INVS: variants seen among roughly 807,000 people sequenced by gnomAD.
The protein encoded by INVS is inversin.
Under a neutral mutation model 108.8 loss-of-function variants are expected in INVS, and 86 were observed. The observed-to-expected ratio is 0.79, with a 90% CI of 0.66 to 0.95. The LOEUF (loss-of-function observed/expected upper bound fraction) is 0.95, where lower values mean the gene tolerates loss of function less well. Ranked by LOEUF, INVS falls within the 40% of genes least tolerant of loss-of-function variation. The pLI, the probability that INVS is intolerant of heterozygous loss-of-function variation, is 0.00. For missense variants in INVS, 1,169 were observed against 1,297.4 expected (o/e 0.90, Z 1.52); for synonymous variants, 455 against 473.5 (o/e 0.96, Z 0.51).
rs376364951 is a variant in INVS at position 100,158,874 on chromosome 9, A to G, written c.273+32325A>G. On this transcript the variant is annotated intron_variant, in intron 3 of 16. Transcript: ENST00000262457. ...GAGGTAATGAGTGAATTCTCGCTCTATTAGTTCATGTGATAGCTGGTTGTT... is the reference window on the plus strand; with the variant it reads ...GAGGTAATGAGTGAATTCTCGCTCTGTTAGTTCATGTGATAGCTGGTTGTT... 1.4e-4 allele frequency among the ~76,000 whole-genome samples: 22 copies of G among 152,238 alleles called. No homozygotes were observed. The East Asian group carries it at 1.5e-3, about 11-fold the overall frequency.
intron 2 of INVS, among the ~76,000 whole-genome samples, chr9:100,108,255 A>G (rs1175296682): frequency 2.0e-5 from 3 of 152,228 alleles, no homozygotes; most frequent in Non-Finnish European, 4.4e-5. Flanking sequence ...CTTAAAAACC[A>G]AAAAGCAATC....
At chr9:100,160,337 G>A (rs1829130504) in intron 3 of INVS, among the ~76,000 whole-genome samples, 1 of 152,316 alleles carries the variant, frequency 6.6e-6, no homozygotes, top group South Asian at 2.1e-4. Context: ...CTATGAGGTA[G>A]CCCTCAGGGT....
At chr9:100,130,620 C>G (rs1241070187) in intron 3 of INVS, 1 of 152,120 alleles carries the variant, frequency 6.6e-6, no homozygotes, top group Non-Finnish European at 1.5e-5. Flanking sequence ...GTTTAGTGAA[C>G]CTTCTGATAT....
chr9:100,252,539 G>A, intron 9 of INVS, 101 bp downstream of exon 9: 2 of 1,099,392 alleles, frequency 1.8e-6, no homozygotes, highest in South Asian at 1.3e-5. Flanking sequence ...AGCTGCACAA[G>A]TACAAGGATG....
intron 3 of INVS, among the ~76,000 whole-genome samples, chr9:100,174,056 C>G (rs1829631300): frequency 6.6e-6 from 1 of 152,204 alleles, no homozygotes; most frequent in Non-Finnish European, 1.5e-5. Context: ...CTAAGATATT[C>G]TCAAATATTG....
chr9:100,199,102 T>A (rs1391462556), intron 3 of INVS, among the ~76,000 whole-genome samples: 1 of 152,196 alleles, frequency 6.6e-6, no homozygotes, highest in African/African-American at 2.4e-5. Flanking sequence ...AGGCTTTTTA[T>A]CTTTATAATC....
intron 3 of INVS, among the ~76,000 whole-genome samples, chr9:100,181,058 G>A (rs181205595): frequency 1.3e-5 from 2 of 152,128 alleles, no homozygotes; most frequent in East Asian, 3.9e-4. Flanking sequence ...TGCAGAAAAG[G>A]CCTTCAATAA....
intron 3 of INVS, among the ~76,000 whole-genome samples, chr9:100,161,490 G>A (rs997762490): frequency 6.6e-6 from 1 of 151,758 alleles, no homozygotes; most frequent in Non-Finnish European, 1.5e-5. Flanking sequence ...CGTTCCTTAG[G>A]AGAACTCACG....
chr9:100,148,820 A>G lies in INVS; in HGVS notation c.273+22271A>G, dbSNP rs79004364. 5.6e-3 allele frequency among the ~76,000 whole-genome samples: 858 copies of G among 152,302 alleles called. 8 individuals are homozygous for G. Among genetic ancestry groups the G allele is most frequent in the African/African-American group, 0.019 (804 of 41,564 alleles). ...AAACCAACACATGTACATTCCATCC[A>G]TGTCAAGAAAAGTCATTTTTTATCT... On this transcript the variant is annotated intron_variant, in intron 3 of 16. Coordinates refer to ENST00000262457, the MANE Select transcript of INVS (RefSeq NM_014425.5).
chr9:100,246,449 G>A (rs1407015284), intron 7 of INVS, among the ~76,000 whole-genome samples, 167 bp from the exon 8 acceptor site: 3 of 152,158 alleles, frequency 2.0e-5, no homozygotes, highest in Admixed American at 6.5e-5. Flanking sequence ...TGTTATCTTC[G>A]ATGGAAATTG....
chr9:100,263,619 G>A (rs967232525), intron 10 of INVS, among the ~76,000 whole-genome samples: 4 of 152,118 alleles, frequency 2.6e-5, no homozygotes, highest in Non-Finnish European at 4.4e-5. Context: ...CCCATCTCAA[G>A]TTCAGCTGAT....
At chr9:100,100,887 A>AATATATATATAATATATGCATATATAAT (rs1486795978) in intron 1 of INVS, among the ~76,000 whole-genome samples, 3 of 49,788 alleles carry the variant, frequency 6.0e-5, no homozygotes, top group Non-Finnish European at 9.7e-5. Flanking sequence ...ATGTATATAT[A>AATATATATATAATATATGCATATATAAT]ATATATATTA....
rs147358963 is a variant in INVS, at chr9:100,266,838, C to T, written c.1571+1910C>T. ...ATGGCTCCTGCTATAATACCATTCC[C>T]ATCCTCTTAGCCACCACCCATTCTT... On this transcript the variant is annotated intron_variant, in intron 11 of 16. Coordinates refer to ENST00000262457, the MANE Select transcript of INVS (RefSeq NM_014425.5). Among the ~76,000 whole-genome samples the T allele has an allele frequency of 2.0e-3, 308 of 151,980 alleles. 1 individual carries two copies. Among genetic ancestry groups the T allele is most frequent in the African/African-American group, 7.1e-3 (295 of 41,484 alleles).
chr9:100,297,102 C>G lies in INVS; in HGVS notation c.2972C>G (p.Ser991Ter), dbSNP rs1329661241. 7 of 1,614,100 alleles carry G rather than the reference C, an allele frequency of 4.3e-6. No homozygotes were observed. Among genetic ancestry groups the G allele is most frequent in the Admixed American group, 3.3e-5 (2 of 60,018 alleles). ...KAPKSPSKGT[S>*]GTKSTKHSVL... ...CCCAAGAGTCCATCCAAGGGCACCTCAGGCACAAAGTCCACCAAGCACTCA... is the reference window on the plus strand; with the variant it reads ...CCCAAGAGTCCATCCAAGGGCACCTGAGGCACAAAGTCCACCAAGCACTCA... The change falls in exon 15 of 17, where the codon TCA becomes TGA. Residue 991 changes from serine (S) to a stop codon, truncating the protein, a stop_gained. Transcript: ENST00000262457. LOFTEE classifies it high-confidence loss of function.
At position 100,293,202 on chromosome 9, in the gene INVS, A is replaced by G. The variant is rs576277191; in HGVS notation, c.2786+159A>G. Among the ~76,000 whole-genome samples, 4 of 152,360 alleles carry G rather than the reference A, an allele frequency of 2.6e-5. No individual in the cohort carries two copies. In the East Asian group the frequency reaches 7.7e-4, roughly 29 times the overall value. ...CATGAAATTCACACCAGATCCTAGT[A>G]ATTTACATTGTATAAACCATTTGGA... is the stretch of plus-strand genomic sequence containing the variant. On this transcript the variant is annotated intron_variant, in intron 14 of 16. Coordinates refer to ENST00000262457, the MANE Select transcript of INVS (RefSeq NM_014425.5).
intron 2 of INVS, among the ~76,000 whole-genome samples, chr9:100,111,293 T>C (rs1194744780): frequency 1.3e-5 from 2 of 152,270 alleles, no homozygotes; most frequent in East Asian, 1.9e-4. Flanking sequence ...AGCACAACTA[T>C]AACTGCAAGT....
rs1298153771 is a variant in INVS, at chr9:100,301,461, T to C, written c.*787T>C. On this transcript the variant is annotated 3_prime_UTR_variant, in exon 17 of 17. Coordinates refer to ENST00000262457, the MANE Select transcript of INVS (RefSeq NM_014425.5). ...ACTGTTCATGCAGCAAGGTGCTAAC[T>C]CAGGCGTCAACGTTCTACTTGTATT... Among the ~76,000 whole-genome samples the C allele has an allele frequency of 6.6e-6, 1 of 152,188 alleles. No homozygotes were observed. The highest frequency in any genetic ancestry group is 1.9e-4 in the East Asian group (1 of 5,196).
At chr9:100,252,499 CTGTT>C in intron 9 of INVS, 61 bp downstream of exon 9, 1 of 1,464,488 alleles carries the variant, frequency 6.8e-7, no homozygotes, top group Non-Finnish European at 9.5e-7. Flanking sequence ...CTTGCATACT[CTGTT>C]TAAGATAAAG....
chr9:100,197,117 A>T (rs1830400762), intron 3 of INVS, among the ~76,000 whole-genome samples: 1 of 152,206 alleles, frequency 6.6e-6, no homozygotes, highest in Non-Finnish European at 1.5e-5. Context: ...TTACAAGTCA[A>T]GGCCCCCTGA....
Sources: allele counts gnomAD v4.1 joint callset (sites outside exome capture counted in the v4.1 genomes callset), GRCh38; gene constraint gnomAD v4.1.1; transcripts MANE v1.5; gene names NCBI Gene and HGNC (gene_info 2026-07-23, HGNC 2026-07-21).